CADPS: variants seen among roughly 807,000 people sequenced by gnomAD.
CADPS encodes the protein calcium dependent secretion activator.
A neutral mutation model predicts 167.3 loss-of-function variants in CADPS; 57 were observed. That is an observed-to-expected ratio of 0.34 (90% CI 0.28 to 0.42). The LOEUF (loss-of-function observed/expected upper bound fraction) is 0.42. Among genes scored for constraint, CADPS ranks in the 20% least tolerant of loss-of-function variants. The pLI, the probability that CADPS is intolerant of heterozygous loss-of-function variation, is 1.00. For synonymous variants in CADPS, 676 were observed against 635.3 expected (o/e 1.06, Z -0.96); for missense variants, 1,414 against 1,738.1 (o/e 0.81, Z 3.32).
chr3:62,408,371 G>A (rs2048309290), intron 28 of CADPS, among the ~76,000 whole-genome samples: 2 of 152,010 alleles, frequency 1.3e-5, no homozygotes, highest in African/African-American at 4.8e-5. Context: ...ATTTATCTTG[G>A]TTACTATATT....
At chr3:62,687,199 C>T (rs1301487900) in intron 3 of CADPS, among the ~76,000 whole-genome samples, 1 of 152,110 alleles carries the variant, frequency 6.6e-6, no homozygotes, top group Non-Finnish European at 1.5e-5. Context: ...GCAAATCCCT[C>T]CCATCTGTTC....
intron 20 of CADPS, among the ~76,000 whole-genome samples, 179 bp downstream of exon 20, chr3:62,492,111 T>G (rs189253688): frequency 1.1e-3 from 161 of 152,330 alleles, no homozygotes; most frequent in Non-Finnish European, 1.8e-3. Flanking sequence ...AACAGGATAC[T>G]TTTTGGAAGA....
At chr3:62,759,490 G>T (rs1011053833) in intron 2 of CADPS, among the ~76,000 whole-genome samples, 2 of 152,130 alleles carry the variant, frequency 1.3e-5, no homozygotes, top group African/African-American at 4.8e-5. Flanking sequence ...TGGAGGATAG[G>T]AACATGGCTC....
chr3:62,576,574 T>C (rs2082305260), intron 8 of CADPS, among the ~76,000 whole-genome samples: 1 of 150,486 alleles, frequency 6.6e-6, no homozygotes, highest in Admixed American at 6.6e-5. Flanking sequence ...ACAGATCAGT[T>C]GAGGTTAGAA....
At chr3:62,611,623 A>G (rs1052280326) in intron 6 of CADPS, among the ~76,000 whole-genome samples, 4 of 152,178 alleles carry the variant, frequency 2.6e-5, no homozygotes, top group Admixed American at 2.0e-4. Context: ...CTCTGACCTT[A>G]TCTCCTACCC....
intron 7 of CADPS, 96 bp from the exon 8 acceptor site, chr3:62,585,420 C>T: frequency 7.9e-7 from 1 of 1,265,682 alleles, no homozygotes; most frequent in East Asian, 2.4e-5. Context: ...GTGACTTGAA[C>T]AATTCCCACT....
intron 5 of CADPS, among the ~76,000 whole-genome samples, chr3:62,646,748 C>A (rs2068687710): frequency 6.6e-6 from 1 of 152,176 alleles, no homozygotes; most frequent in African/African-American, 2.4e-5. Flanking sequence ...CCAGATACTC[C>A]AATTTTGCCT....
At chr3:62,616,216 T>C (rs1298270888) in intron 6 of CADPS, among the ~76,000 whole-genome samples, 1 of 152,234 alleles carries the variant, frequency 6.6e-6, no homozygotes, top group Non-Finnish European at 1.5e-5. Flanking sequence ...TGATTGCTTG[T>C]AAATTTTTAT....
chr3:62,600,194 C>T (rs541284926), intron 6 of CADPS, among the ~76,000 whole-genome samples: 127 of 147,448 alleles, frequency 8.6e-4, no homozygotes, highest in African/African-American at 2.7e-3. Context: ...CTGAAGTGCA[C>T]ACAGCAGCTG....
Position 62,631,743 on chromosome 3 carries a change from G to T in CADPS, c.1325+13979C>A, listed in dbSNP as rs116869353. ...GAGCACAATGATTTGCTTGCTGTTT[G>T]TATACAAACAGCTGAACCATATCTT... On this transcript the variant is annotated intron_variant, in intron 6 of 29. Coordinates refer to ENST00000383710, the MANE Select transcript of CADPS (RefSeq NM_003716.4). Among the ~76,000 whole-genome samples, 3 of 152,240 alleles carry T rather than the reference G, an allele frequency of 2.0e-5. No homozygotes were observed. The East Asian group carries it at 5.8e-4, about 29-fold the overall frequency.
At chr3:62,687,173 G>C (rs1326444353) in intron 3 of CADPS, among the ~76,000 whole-genome samples, 1 of 152,080 alleles carries the variant, frequency 6.6e-6, no homozygotes, top group Non-Finnish European at 1.5e-5. Context: ...GGTTGAGGGG[G>C]CCCAACACGG....
intron 6 of CADPS, among the ~76,000 whole-genome samples, chr3:62,615,103 A>G (rs1408305901): frequency 6.6e-6 from 1 of 152,182 alleles, no homozygotes; most frequent in African/African-American, 2.4e-5. Flanking sequence ...GGACAAGAGA[A>G]TGGTCTGAGA....
chr3:62,746,553 T>C lies in CADPS; in HGVS notation c.888+6888A>G, dbSNP rs182101028. On this transcript the variant is annotated intron_variant, in intron 3 of 29. Transcript: ENST00000383710. ...GAGTCTCCCTATGTTTCTCAGGCTGTTCTCGAACTTCTGGCCTCAAGCAAT... is the reference window on the plus strand; with the variant it reads ...GAGTCTCCCTATGTTTCTCAGGCTGCTCTCGAACTTCTGGCCTCAAGCAAT... Among the ~76,000 whole-genome samples the C allele has an allele frequency of 7.4e-3, 1,122 of 152,260 alleles. 11 individuals carry two copies. The highest frequency in any genetic ancestry group is 0.034 in the Middle Eastern group (10 of 294).
At chr3:62,719,042 A>G (rs2075234926) in intron 3 of CADPS, among the ~76,000 whole-genome samples, 1 of 152,244 alleles carries the variant, frequency 6.6e-6, no homozygotes, top group African/African-American at 2.4e-5. Flanking sequence ...TTGTGCATTC[A>G]GAGGTCCTGG....
intron 28 of CADPS, among the ~76,000 whole-genome samples, chr3:62,423,934 G>A (rs994582712): frequency 6.6e-6 from 1 of 152,172 alleles, no homozygotes; most frequent in Non-Finnish European, 1.5e-5. Context: ...TGTTATAATT[G>A]TTATTATTAA....
Position 62,601,523 on chromosome 3 carries a change from T to C in CADPS, c.1326-8775A>G, listed in dbSNP as rs993985855. Among the ~76,000 whole-genome samples the C allele has an allele frequency of 9.9e-5, 15 of 152,208 alleles. No homozygotes were observed. Among genetic ancestry groups the C allele is most frequent in the African/African-American group, 2.9e-4 (12 of 41,452 alleles). On this transcript the variant is annotated intron_variant, in intron 6 of 29. Transcript: ENST00000383710. This position sits in a 1 kb window ranked among gnomAD's most constrained non-coding sequence, Gnocchi z 4.3. ...TACCCACAAAGACGAACTATAAACA[T>C]GCACTCACAAAGACAGCTGACCCCA...
At chr3:62,617,118 T>C (rs1562947735) in intron 6 of CADPS, among the ~76,000 whole-genome samples, 1 of 152,192 alleles carries the variant, frequency 6.6e-6, no homozygotes, top group Non-Finnish European at 1.5e-5. Context: ...TTGTCTTAGT[T>C]CATTTGAAGA....
chr3:62,583,890 G>A (rs922132514), intron 8 of CADPS, among the ~76,000 whole-genome samples: 1 of 151,944 alleles, frequency 6.6e-6, no homozygotes, highest in Non-Finnish European at 1.5e-5. Flanking sequence ...TTCCTGTCCT[G>A]GTCACGCCCT....
At chr3:62,639,468 T>C (rs1018761948) in intron 6 of CADPS, among the ~76,000 whole-genome samples, 3 of 152,124 alleles carry the variant, frequency 2.0e-5, no homozygotes, top group African/African-American at 7.2e-5. Flanking sequence ...CTGAGGCTCC[T>C]GGAATATAGA....
Sources: allele counts gnomAD v4.1 joint callset (sites outside exome capture counted in the v4.1 genomes callset), GRCh38; gene constraint gnomAD v4.1.1; non-coding constraint Gnocchi (gnomAD v3.1); transcripts MANE v1.5; gene names NCBI Gene and HGNC (gene_info 2026-07-23, HGNC 2026-07-21).